Variants in KLRF1 observed in about 807,000 individuals in gnomAD.
The protein encoded by KLRF1 is killer cell lectin-like receptor subfamily F member 1.
A neutral mutation model predicts 30.7 loss-of-function variants in KLRF1; 27 were observed. That is an observed-to-expected ratio of 0.88 (90% CI 0.65 to 1.21). KLRF1 has a LOEUF of 1.21. KLRF1 is among the 50% of genes most tolerant of loss of function. The pLI is 0.00. For missense variants in KLRF1, 246 were observed against 259.3 expected, an observed-to-expected ratio of 0.95 and a Z score of 0.35; for synonymous variants, 92 against 89.3, an observed-to-expected ratio of 1.03 and a Z score of -0.17.
the KLRF1 span, among the ~76,000 whole-genome samples, chr12:9,808,997 A>G: frequency 6.6e-6 from 1 of 152,174 alleles, no homozygotes; most frequent in Admixed American, 6.5e-5. Context: ...TCCACATTTT[A>G]TAAATGCTTA....
chr12:9,829,151 T>TTACATAATTGCTCTATCCCACTA (rs1253480704), intron 1 of KLRF1, among the ~76,000 whole-genome samples: 1 of 152,138 alleles, frequency 6.6e-6, no homozygotes, highest in Non-Finnish European at 1.5e-5. Context: ...TAGTAAGAAA[T>TTACATAATTGCTCTATCCCACTA]TACATAATTG....
intron 3 of KLRF1, among the ~76,000 whole-genome samples, chr12:9,840,643 G>C (rs1306168603): frequency 6.6e-6 from 1 of 152,024 alleles, no homozygotes; most frequent in African/African-American, 2.4e-5. Flanking sequence ...TTAATATTAA[G>C]AGGGAGAAAG....
the KLRF1 span, among the ~76,000 whole-genome samples, chr12:9,812,435 C>T: frequency 1.3e-5 from 2 of 149,782 alleles, no homozygotes; most frequent in African/African-American, 2.5e-5. Flanking sequence ...GACAGTCTGA[C>T]TTATGGCAGG....
At chr12:9,833,084 G>A (rs1005089168) in intron 2 of KLRF1, among the ~76,000 whole-genome samples, 1 of 152,198 alleles carries the variant, frequency 6.6e-6, no homozygotes, top group African/African-American at 2.4e-5. Flanking sequence ...GGAATGCCTG[G>A]CATAGAATAG....
chr12:9,832,797 G>C (rs772398738), intron 2 of KLRF1, among the ~76,000 whole-genome samples: 1 of 152,002 alleles, frequency 6.6e-6, no homozygotes, highest in African/African-American at 2.4e-5. Flanking sequence ...TTTATCTAAG[G>C]TTGCATTTAG....
At chr12:9,817,555 T>C in the KLRF1 span, 1 of 343,222 alleles carries the variant, frequency 2.9e-6, no homozygotes, top group Non-Finnish European at 5.9e-6. Flanking sequence ...ACTTTGCGCT[T>C]ATGAGTCCTA....
chr12:9,837,987 A>G (rs1241093077), intron 3 of KLRF1, among the ~76,000 whole-genome samples: 9 of 152,164 alleles, frequency 5.9e-5, no homozygotes, highest in Non-Finnish European at 1.5e-5. Flanking sequence ...AAGAGAGTTT[A>G]TATCGGACCC....
rs772981671 is a variant in KLRF1, at chr12:9,833,086, A to G, written c.185-217A>G. 3.9e-4 allele frequency among the ~76,000 whole-genome samples: 59 copies of G among 152,302 alleles called. 1 individual carries two copies. Among genetic ancestry groups the G allele is most frequent in the Middle Eastern group, 3.4e-3 (1 of 294 alleles). ...TTACCAGTTCGTAGGAATGCCTGGC[A>G]TAGAATAGATTCTCACCAAATATGT... On this transcript the variant is annotated intron_variant, in intron 2 of 5. Coordinates refer to ENST00000617889, the MANE Select transcript of KLRF1 (RefSeq NM_016523.3).
At chr12:9,825,640 A>G (rs1211299036), upstream of KLRF1, among the ~76,000 whole-genome samples, 2 of 152,290 alleles carry the variant, frequency 1.3e-5, no homozygotes, top group Non-Finnish European at 2.9e-5. Flanking sequence ...AGCAATTGCA[A>G]CAAAAGTGAA....
chr12:9,839,822 A>G (rs1348834578), intron 3 of KLRF1, among the ~76,000 whole-genome samples: 1 of 152,134 alleles, frequency 6.6e-6, no homozygotes, highest in African/African-American at 2.4e-5. Flanking sequence ...AAATTATCAC[A>G]TGACCCAACA....
the KLRF1 span, among the ~76,000 whole-genome samples, chr12:9,815,610 C>A: frequency 1.3e-5 from 2 of 152,178 alleles, no homozygotes; most frequent in Admixed American, 6.5e-5. Flanking sequence ...AAGCAATGAC[C>A]TAGATTATCA....
the KLRF1 span, among the ~76,000 whole-genome samples, chr12:9,815,709 GC>G: frequency 7.0e-4 from 107 of 152,292 alleles, no homozygotes; most frequent in African/African-American, 2.5e-3. Flanking sequence ...GCTAAAATAC[GC>G]TCCTGTAAAT....
chr12:9,834,071 C>A (rs1446698061), intron 3 of KLRF1, among the ~76,000 whole-genome samples: 1 of 147,546 alleles, frequency 6.8e-6, no homozygotes, highest in Non-Finnish European at 1.5e-5. Context: ...AATTCTCTGG[C>A]AGGCAGGAGT....
the KLRF1 span, among the ~76,000 whole-genome samples, chr12:9,809,335 A>G: frequency 6.6e-6 from 1 of 152,280 alleles, no homozygotes; most frequent in South Asian, 2.1e-4. Context: ...TCCTGGCCCA[A>G]TTCTTTGAAA....
At chr12:9,832,259 T>A in intron 1 of KLRF1, 57 bp from the exon 2 acceptor site, 1 of 918,864 alleles carries the variant, frequency 1.1e-6, no homozygotes, top group South Asian at 1.4e-5. Context: ...CAATTGCTAT[T>A]GTATTACTTC....
upstream of KLRF1, among the ~76,000 whole-genome samples, chr12:9,826,102 A>G (rs1170800157): frequency 1.3e-5 from 2 of 152,202 alleles, no homozygotes; most frequent in Non-Finnish European, 2.9e-5. Context: ...ATCTTATTTA[A>G]AAGGGTATAT....
chr12:9,838,429 A>G (rs1282160266), intron 3 of KLRF1, among the ~76,000 whole-genome samples: 1 of 152,116 alleles, frequency 6.6e-6, no homozygotes. Flanking sequence ...CCATTTTGCT[A>G]AAAGATGCTT....
the KLRF1 span, among the ~76,000 whole-genome samples, chr12:9,820,780 C>T: frequency 3.9e-5 from 6 of 152,222 alleles, no homozygotes; most frequent in Non-Finnish European, 7.4e-5. Flanking sequence ...ACTGCAGTTG[C>T]AGCGGTGCTG....
At chr12:9,827,929 A>G (rs1867318028) in intron 1 of KLRF1, among the ~76,000 whole-genome samples, 1 of 152,224 alleles carries the variant, frequency 6.6e-6, no homozygotes. Flanking sequence ...TCAATGTGGA[A>G]CTAACACTTA....
Sources: allele counts gnomAD v4.1 joint callset (sites outside exome capture counted in the v4.1 genomes callset), GRCh38; gene constraint gnomAD v4.1.1; transcripts MANE v1.5; gene names NCBI Gene and HGNC (gene_info 2026-07-23, HGNC 2026-07-21).